CNOT10: variants seen among roughly 807,000 people sequenced by gnomAD.
CNOT10 encodes the protein CCR4-NOT transcription complex subunit 10.
CNOT10 carries 30 observed loss-of-function variants against 94.6 expected under a neutral mutation model. The observed-to-expected ratio is 0.32, with a 90% CI of 0.24 to 0.43. The LOEUF (loss-of-function observed/expected upper bound fraction) is 0.43, where lower values mean the gene tolerates loss of function less well. Among genes scored for constraint, CNOT10 ranks in the 20% least tolerant of loss-of-function variants. The pLI is 1.00. For synonymous variants in CNOT10, 289 were observed against 301.6 expected (o/e 0.96, Z 0.43); for missense variants, 759 against 877.2 (o/e 0.87, Z 1.70).
intron 4 of CNOT10, among the ~76,000 whole-genome samples, chr3:32,712,126 C>G (rs1697917389): frequency 6.6e-6 from 1 of 151,048 alleles, no homozygotes; most frequent in Admixed American, 6.6e-5. Flanking sequence ...CCAGCCCATA[C>G]CTTGCTGCTT....
chr3:32,752,041 C>T (rs1230583198), intron 13 of CNOT10, among the ~76,000 whole-genome samples: 1 of 152,146 alleles, frequency 6.6e-6, no homozygotes, highest in Non-Finnish European at 1.5e-5. Flanking sequence ...GTAATCCCAG[C>T]ACTTCGGAAG....
chr3:32,746,730 G>A (rs1363064623), intron 13 of CNOT10, among the ~76,000 whole-genome samples: 12 of 151,892 alleles, frequency 7.9e-5, no homozygotes, highest in Non-Finnish European at 1.5e-4. Flanking sequence ...CCAGCTACTC[G>A]GGAGGCTGAG....
intron 3 of CNOT10, among the ~76,000 whole-genome samples, chr3:32,706,945 C>T (rs530217576): frequency 9.8e-5 from 15 of 152,330 alleles, no homozygotes; most frequent in African/African-American, 3.1e-4. Flanking sequence ...GGGTGGTTGA[C>T]GTCTGCTGAA....
chr3:32,712,411 T>C (rs1198070177), intron 4 of CNOT10, among the ~76,000 whole-genome samples: 1 of 152,098 alleles, frequency 6.6e-6, no homozygotes, highest in African/African-American at 2.4e-5. Context: ...TCCAAAATGC[T>C]TGGGACAAGA....
chr3:32,768,303 C>T (rs541468111), intron 17 of CNOT10, among the ~76,000 whole-genome samples: 10 of 152,144 alleles, frequency 6.6e-5, no homozygotes, highest in African/African-American at 1.2e-4. Flanking sequence ...CAAAATGGGC[C>T]GGGCACAGTG....
intron 1 of CNOT10, among the ~76,000 whole-genome samples, chr3:32,700,530 T>A (rs1044939709): frequency 1.6e-4 from 25 of 152,220 alleles, no homozygotes; most frequent in Admixed American, 6.5e-5. Flanking sequence ...TGCACTATTG[T>A]GCTACATATC....
intron 13 of CNOT10, among the ~76,000 whole-genome samples, chr3:32,738,759 G>T (rs1699312189): frequency 6.6e-6 from 1 of 151,980 alleles, no homozygotes. Flanking sequence ...ACAGCATCCG[G>T]CCTGTATTTC....
intron 13 of CNOT10, 80 bp from the exon 14 acceptor site, chr3:32,759,378 G>A (rs1009945156): frequency 2.1e-6 from 2 of 961,306 alleles, no homozygotes; most frequent in Non-Finnish European, 3.3e-6. Flanking sequence ...CAGCTAAAGG[G>A]CATTTCTTCC....
At chr3:32,758,507 T>C (rs1208124374) in intron 13 of CNOT10, among the ~76,000 whole-genome samples, 3 of 152,218 alleles carry the variant, frequency 2.0e-5, no homozygotes, top group Admixed American at 1.3e-4. Context: ...TCTGTGGTGA[T>C]ATACTGGTTA....
At chr3:32,723,695 G>A (rs776412798) in intron 8 of CNOT10, among the ~76,000 whole-genome samples, 13 of 152,110 alleles carry the variant, frequency 8.5e-5, no homozygotes, top group Non-Finnish European at 1.9e-4. Flanking sequence ...ACAAACAGAG[G>A]TGGGCAGGAA....
At chr3:32,745,578 A>G (rs970305572) in intron 13 of CNOT10, among the ~76,000 whole-genome samples, 3 of 152,216 alleles carry the variant, frequency 2.0e-5, no homozygotes, top group Non-Finnish European at 4.4e-5. Context: ...CTTGTCCATA[A>G]AAGAATTTTA....
chr3:32,721,041 CCCTT>C (rs1025297677), intron 8 of CNOT10, among the ~76,000 whole-genome samples: 5 of 140,798 alleles, frequency 3.6e-5, no homozygotes, highest in Admixed American at 3.1e-4. Context: ...TCCCTTCCTT[CCCTT>C]CCTTTCTTTC....
intron 10 of CNOT10, among the ~76,000 whole-genome samples, chr3:32,732,502 C>G (rs1699004492): frequency 1.3e-5 from 2 of 152,112 alleles, no homozygotes; most frequent in South Asian, 4.1e-4. Context: ...AGGAGGATCA[C>G]TTGAGCCCAG....
Position 32,693,846 on chromosome 3 carries a change from T to C in CNOT10, c.22+8364T>C, listed in dbSNP as rs548145694. Among the ~76,000 whole-genome samples, 26 of 152,270 alleles carry C rather than the reference T, an allele frequency of 1.7e-4. No individual in the cohort carries two copies. The East Asian group carries it at 2.3e-3, about 14-fold the overall frequency. ...TGTGAGCCACCATGCCCGGCACTTATATTAGTCTTATGATTTCAATTTAAA... is the reference window on the plus strand; with the variant it reads ...TGTGAGCCACCATGCCCGGCACTTACATTAGTCTTATGATTTCAATTTAAA... On this transcript the variant is annotated intron_variant, in intron 1 of 18. Coordinates refer to ENST00000328834, the MANE Select transcript of CNOT10 (RefSeq NM_015442.3).
At chr3:32,761,346 A>T (rs947946448) in intron 14 of CNOT10, among the ~76,000 whole-genome samples, 1 of 152,150 alleles carries the variant, frequency 6.6e-6, no homozygotes, top group South Asian at 2.1e-4. Context: ...ATTGCAGCTG[A>T]TGCTGGTGTT....
intron 13 of CNOT10, among the ~76,000 whole-genome samples, chr3:32,757,437 C>T (rs1290605849): frequency 2.6e-5 from 4 of 151,984 alleles, no homozygotes; most frequent in African/African-American, 9.7e-5. Context: ...TCTCAGCCTC[C>T]CAAAGTGCTG....
At chr3:32,708,531 T>C (rs1697727364) in intron 3 of CNOT10, 139 bp from the exon 4 acceptor site, 5 of 660,092 alleles carry the variant, frequency 7.6e-6, no homozygotes, top group Admixed American at 3.4e-5. Flanking sequence ...GTAATTAAAA[T>C]CTAAAGATAC....
intron 13 of CNOT10, among the ~76,000 whole-genome samples, chr3:32,745,279 T>A (rs572983517): frequency 1.3e-5 from 2 of 152,058 alleles, no homozygotes; most frequent in African/African-American, 4.8e-5. Flanking sequence ...TTTTAATTTT[T>A]AAAAAATTAT....
At chr3:32,757,306 A>G (rs1700267708) in intron 13 of CNOT10, among the ~76,000 whole-genome samples, 1 of 143,716 alleles carries the variant, frequency 7.0e-6, no homozygotes, top group Admixed American at 7.5e-5. Flanking sequence ...CAGCCTCCCA[A>G]GTAGCTGGGA....
Sources: allele counts gnomAD v4.1 joint callset (sites outside exome capture counted in the v4.1 genomes callset), GRCh38; gene constraint gnomAD v4.1.1; transcripts MANE v1.5; gene names NCBI Gene and HGNC (gene_info 2026-07-23, HGNC 2026-07-21).